INSYN2B: variants seen among roughly 807,000 people sequenced by gnomAD.
The protein encoded by INSYN2B is inhibitory synaptic factor family member 2B, also known as protein INSYN2B.
Under a neutral mutation model 41.2 loss-of-function variants are expected in INSYN2B, and 16 were observed. The ratio of observed to expected loss-of-function variants is 0.39; its 90% CI spans 0.26 to 0.59. The LOEUF (loss-of-function observed/expected upper bound fraction) is 0.59. Ranked by LOEUF, INSYN2B falls within the 20% of genes least tolerant of loss-of-function variation. The pLI, the probability that INSYN2B is intolerant of heterozygous loss-of-function variation, is 0.57. For synonymous variants in INSYN2B, 245 were observed against 244.4 expected, an observed-to-expected ratio of 1.00 and a Z score of -0.02; for missense variants, 608 against 646.4, an observed-to-expected ratio of 0.94 and a Z score of 0.64.
intron 1 of INSYN2B, among the ~76,000 whole-genome samples, chr5:169,902,035 C>A (rs560308026): frequency 6.6e-6 from 1 of 152,152 alleles, no homozygotes; most frequent in Non-Finnish European, 1.5e-5. Context: ...ATCAGTCAAA[C>A]GGTTTGTTTC....
chr5:169,933,551 GC>G (rs1775856214), intron 1 of INSYN2B, among the ~76,000 whole-genome samples: 1 of 152,178 alleles, frequency 6.6e-6, no homozygotes, highest in Non-Finnish European at 1.5e-5. Flanking sequence ...GGGGAAGGAG[GC>G]TGCTTATTTG....
chr5:169,949,381 A>G (rs1365296373), intron 1 of INSYN2B, among the ~76,000 whole-genome samples: 1 of 152,132 alleles, frequency 6.6e-6, no homozygotes, highest in Non-Finnish European at 1.5e-5. Context: ...ATCCCATTCC[A>G]TGTTCCTGGG....
In INSYN2B at chr5:169,882,625, G is replaced by A. The variant is rs979354875; in HGVS notation, c.1274C>T (p.Ser425Leu). The change falls in exon 2 of 4, where the codon TCG becomes TTG. Residue 425 changes from serine (S) to leucine (L), a missense_variant. Coordinates refer to ENST00000377365, the MANE Select transcript of INSYN2B (RefSeq NM_001129891.3). ...RLQSVEESLH[S>L]NQEKIKVLLN... ...AAGGACTTTAATTTTCTCTTGGTTC[G>A]AGTGCAGAGATTCCTCCACAGATTG... 2.0e-5 allele frequency: 31 copies of A among 1,551,816 alleles called. No homozygotes were observed. Among genetic ancestry groups the A allele is most frequent in the African/African-American group, 2.7e-5 (2 of 73,144 alleles).
At chr5:169,866,740 T>G (rs1771588012) in intron 3 of INSYN2B, among the ~76,000 whole-genome samples, 1 of 152,212 alleles carries the variant, frequency 6.6e-6, no homozygotes, top group African/African-American at 2.4e-5. Context: ...ACTGACTGTC[T>G]ATTTCAGGAG....
chr5:169,969,331 G>C (rs1233998579), intron 1 of INSYN2B, among the ~76,000 whole-genome samples: 1 of 152,088 alleles, frequency 6.6e-6, no homozygotes, highest in African/African-American at 2.4e-5. Flanking sequence ...TGTAATCCCA[G>C]CTACTCGGGA....
chr5:169,946,342 G>A (rs1208621149), intron 1 of INSYN2B, among the ~76,000 whole-genome samples: 2 of 152,210 alleles, frequency 1.3e-5, no homozygotes, highest in African/African-American at 2.4e-5. Context: ...CTCTAACTGG[G>A]CGACTGAGGG....
chr5:169,861,581 A>G lies in INSYN2B; in HGVS notation c.*2692T>C, dbSNP rs1261924832. 1.3e-5 allele frequency among the ~76,000 whole-genome samples: 2 copies of G among 152,242 alleles called. No homozygotes were observed. Among genetic ancestry groups the G allele is most frequent in the Non-Finnish European group, 2.9e-5 (2 of 68,038 alleles). ...TGCTAAGTTAATATCTCTCCAGCAA[A>G]CCAGATAACCTCAAGTACAGCATTT... is the stretch of plus-strand genomic sequence containing the variant. On this transcript the variant is annotated 3_prime_UTR_variant, in exon 4 of 4. Transcript: ENST00000377365.
chr5:169,900,184 G>A (rs367793478), intron 1 of INSYN2B, among the ~76,000 whole-genome samples: 1 of 152,146 alleles, frequency 6.6e-6, no homozygotes, highest in Non-Finnish European at 1.5e-5. Flanking sequence ...TAGGCAGCAC[G>A]GTAAGACGCA....
chr5:169,956,854 T>C (rs1776885612), intron 1 of INSYN2B, among the ~76,000 whole-genome samples: 1 of 152,142 alleles, frequency 6.6e-6, no homozygotes, highest in Non-Finnish European at 1.5e-5. Context: ...GGTCCAGGAA[T>C]GCATCAAATA....
intron 3 of INSYN2B, among the ~76,000 whole-genome samples, chr5:169,870,585 T>A (rs968970666): frequency 8.5e-5 from 13 of 152,160 alleles, no homozygotes; most frequent in Non-Finnish European, 1.8e-4. Context: ...CTTCTTTTTT[T>A]AATTTTTTGA....
At chr5:169,976,586 A>AG (rs1298847149) in intron 1 of INSYN2B, among the ~76,000 whole-genome samples, 1 of 152,244 alleles carries the variant, frequency 6.6e-6, no homozygotes, top group African/African-American at 2.4e-5. Flanking sequence ...GATCTCAAAA[A>AG]GAAAAAAAAG....
At chr5:169,917,284 C>T (rs956471425) in intron 1 of INSYN2B, among the ~76,000 whole-genome samples, 3 of 152,194 alleles carry the variant, frequency 2.0e-5, no homozygotes, top group Non-Finnish European at 4.4e-5. Flanking sequence ...TATAATTGCT[C>T]ATCTCCCATG....
At chr5:169,927,773 C>A (rs186602450) in intron 1 of INSYN2B, among the ~76,000 whole-genome samples, 6 of 152,262 alleles carry the variant, frequency 3.9e-5, no homozygotes, top group Non-Finnish European at 5.9e-5. Context: ...CCCGCCACCA[C>A]GCCTGGCTAA....
intron 1 of INSYN2B, among the ~76,000 whole-genome samples, chr5:169,889,430 T>C (rs1221017485): frequency 6.6e-6 from 1 of 152,232 alleles, no homozygotes; most frequent in Non-Finnish European, 1.5e-5. Flanking sequence ...ATCCCTATTG[T>C]AGCACTAAGA....
At position 169,868,852 on chromosome 5, in the gene INSYN2B, A is replaced by G. The variant is rs191723595; in HGVS notation, c.1422-4393T>C. The stretch of plus-strand genomic sequence containing the variant: ...GAAAAGACCGGGAGATGGAACGGAA[A>G]CTTTATCTCACCATCACAACTTGAA... On this transcript the variant is annotated intron_variant, in intron 3 of 3. Transcript: ENST00000377365. 3.3e-4 allele frequency among the ~76,000 whole-genome samples: 50 copies of G among 152,306 alleles called. 1 individual carries two copies. The highest frequency in any genetic ancestry group is 1.2e-3 in the African/African-American group (48 of 41,562).
rs1253995341 is a variant in INSYN2B at position 169,884,002 on chromosome 5, T to G, written c.-104A>C. 8.5e-7 allele frequency: 1 copy of G among 1,169,604 alleles called. No homozygotes were observed. The highest frequency in any genetic ancestry group is 1.5e-5 in the African/African-American group (1 of 64,938). 72.5% of individuals were successfully genotyped at this position (1,169,604 alleles called of 1,614,324 possible). A position where few individuals can be genotyped will look rare whatever the true frequency, so the allele number is the denominator to read the frequency against. On this transcript the variant is annotated 5_prime_UTR_variant, in exon 2 of 4. Transcript: ENST00000377365. The stretch of plus-strand genomic sequence containing the variant: ...TGATAGTATTTCAATCATAGAGAAC[T>G]GCTGGCCAGGATGGAGTGGTCCTCT...
chr5:169,900,259 T>C (rs1773847459), intron 1 of INSYN2B, among the ~76,000 whole-genome samples: 1 of 152,190 alleles, frequency 6.6e-6, no homozygotes, highest in African/African-American at 2.4e-5. Flanking sequence ...TTGGGACCTT[T>C]AGACAACCCT....
chr5:169,862,426 G>T lies in INSYN2B; in HGVS notation c.*1847C>A, dbSNP rs1771262230. ...TAAAATTACATAAGAGGTCCCAAATGATTTCACTTTATTGGATTATCCTCT... is the reference window on the plus strand; with the variant it reads ...TAAAATTACATAAGAGGTCCCAAATTATTTCACTTTATTGGATTATCCTCT... On this transcript the variant is annotated 3_prime_UTR_variant, in exon 4 of 4. Transcript: ENST00000377365. Among the ~76,000 whole-genome samples, 1 of 152,134 alleles carries T rather than the reference G, an allele frequency of 6.6e-6. No individual in the cohort carries two copies. Among genetic ancestry groups the T allele is most frequent in the Non-Finnish European group, 1.5e-5 (1 of 68,032 alleles).
intron 1 of INSYN2B, among the ~76,000 whole-genome samples, chr5:169,909,106 A>G (rs1581399875): frequency 6.6e-6 from 1 of 152,192 alleles, no homozygotes. Context: ...GAGTCTGTGG[A>G]TGATTTCATC....
Sources: gnomAD v4.1 joint callset for allele counts (sites outside exome capture counted in the v4.1 genomes callset) on GRCh38, gnomAD v4.1.1 for gene constraint, MANE v1.5 for transcripts, NCBI Gene and HGNC (gene_info 2026-07-23, HGNC 2026-07-21) for gene names.